The following APIP variants were observed in gnomAD, a reference collection of about 807,000 sequenced individuals.
The protein encoded by APIP is methylthioribulose-1-phosphate dehydratase.
Under a neutral mutation model 32.0 loss-of-function variants are expected in APIP, and 32 were observed. The ratio of observed to expected loss-of-function variants is 1.00; its 90% CI spans 0.76 to 1.34. The LOEUF (loss-of-function observed/expected upper bound fraction) is 1.34, where lower values mean the gene tolerates loss of function less well. Among genes scored for constraint, APIP ranks in the 40% most tolerant of loss-of-function variants. The pLI, the probability that APIP is intolerant of heterozygous loss-of-function variation, is 0.00. For missense variants in APIP, 247 were observed against 298.6 expected, an observed-to-expected ratio of 0.83 and a Z score of 1.27; for synonymous variants, 92 against 94.8, an observed-to-expected ratio of 0.97 and a Z score of 0.17.
At chr11:34,889,292 TA>T (rs1358149992) in intron 3 of APIP, among the ~76,000 whole-genome samples, 1 of 152,114 alleles carries the variant, frequency 6.6e-6, no homozygotes, top group African/African-American at 2.4e-5. Context: ...AGAAAGTCTA[TA>T]TAAAGAAATC....
At chr11:34,892,904 T>C (rs1480062282) in intron 2 of APIP, among the ~76,000 whole-genome samples, 4 of 152,168 alleles carry the variant, frequency 2.6e-5, no homozygotes, top group African/African-American at 7.2e-5. Context: ...TAGTGACTTA[T>C]TAAGTCATTT....
intron 6 of APIP, among the ~76,000 whole-genome samples, chr11:34,883,093 T>A (rs985768451): frequency 2.0e-5 from 3 of 152,202 alleles, no homozygotes; most frequent in Admixed American, 2.0e-4. Context: ...AAACTAGATG[T>A]CACTTTCTGA....
At chr11:34,901,392 G>T (rs1853367493) in intron 1 of APIP, among the ~76,000 whole-genome samples, 2 of 92,844 alleles carry the variant, frequency 2.2e-5, no homozygotes, top group Non-Finnish European at 5.6e-5. Context: ...AAGACTGATG[G>T]GTCCCGGGGG....
At chr11:34,891,129 A>G (rs1424717112) in intron 2 of APIP, among the ~76,000 whole-genome samples, 1 of 152,164 alleles carries the variant, frequency 6.6e-6, no homozygotes, top group Non-Finnish European at 1.5e-5. Context: ...CATATCTTGG[A>G]AAAAAATTTA....
chr11:34,896,311 T>G (rs1853269818), intron 1 of APIP, among the ~76,000 whole-genome samples: 1 of 152,278 alleles, frequency 6.6e-6, no homozygotes, highest in Middle Eastern at 3.4e-3. Context: ...AGCAAAGACT[T>G]GGAACCAACC....
chr11:34,914,494 C>T (rs1853619679), intron 1 of APIP, among the ~76,000 whole-genome samples: 1 of 152,042 alleles, frequency 6.6e-6, no homozygotes, highest in African/African-American at 2.4e-5. Context: ...TGTATTTGTA[C>T]AAAACCAGAC....
chr11:34,902,496 C>T (rs544374750), intron 1 of APIP, among the ~76,000 whole-genome samples: 5 of 152,066 alleles, frequency 3.3e-5, no homozygotes, highest in African/African-American at 1.2e-4. Flanking sequence ...TAGTACTGTC[C>T]AAGGGGACCA....
chr11:34,905,586 G>A (rs563370288), intron 1 of APIP, among the ~76,000 whole-genome samples: 1 of 152,186 alleles, frequency 6.6e-6, no homozygotes, highest in Non-Finnish European at 1.5e-5. Context: ...GAAGGACCAT[G>A]CTTGGGAGAT....
chr11:34,895,842 G>T (rs1853260593), intron 1 of APIP, among the ~76,000 whole-genome samples: 1 of 148,452 alleles, frequency 6.7e-6, no homozygotes, highest in Non-Finnish European at 1.5e-5. Flanking sequence ...CTGCTTTTTT[G>T]TGGTTTAAAT....
chr11:34,900,994 T>TTTA (rs139880298), intron 1 of APIP, among the ~76,000 whole-genome samples: 28,271 of 151,710 alleles, frequency 0.19, 3,802 homozygotes, highest in African/African-American at 0.38. Context: ...CAAGGACAAG[T>TTTA]TTATTACACA....
At chr11:34,906,419 C>T (rs557869691) in intron 1 of APIP, among the ~76,000 whole-genome samples, 1 of 152,214 alleles carries the variant, frequency 6.6e-6, no homozygotes, top group African/African-American at 2.4e-5. Context: ...AGGGCATGCA[C>T]ATGACAATCC....
intron 4 of APIP, 132 bp downstream of exon 4, chr11:34,888,620 G>T: frequency 9.1e-7 from 1 of 1,098,148 alleles, no homozygotes; most frequent in Non-Finnish European, 1.3e-6. Context: ...TGTGAGAACT[G>T]AGTAAGTTCA....
At chr11:34,896,726 GCAACAA>G (rs570312466) in intron 1 of APIP, 10 of 1,079,870 alleles carry the variant, frequency 9.3e-6, no homozygotes, top group South Asian at 1.3e-5. Flanking sequence ...GCATAATAAA[GCAACAA>G]CAACAACAAC....
intron 1 of APIP, among the ~76,000 whole-genome samples, chr11:34,895,715 T>C (rs186293188): frequency 6.6e-6 from 1 of 151,176 alleles, no homozygotes; most frequent in Non-Finnish European, 1.5e-5. Context: ...TAACCCATTT[T>C]ATGAAGATAC....
chr11:34,900,567 T>C (rs1040531649), intron 1 of APIP, among the ~76,000 whole-genome samples: 1 of 152,130 alleles, frequency 6.6e-6, no homozygotes, highest in Non-Finnish European at 1.5e-5. Flanking sequence ...CATAGAGGGA[T>C]GTTACGTTGC....
Position 34,882,745 on chromosome 11 carries a change from A to T in APIP, c.701T>A (p.Leu234His). 1 of 1,603,326 alleles carries T rather than the reference A, an allele frequency of 6.2e-7. No individual in the cohort carries two copies. The highest frequency in any genetic ancestry group is 8.5e-7 in the Non-Finnish European group (1 of 1,171,922). Residue 234 changes from leucine (L) to histidine (H), a missense_variant, in exon 7 of 7, where the codon CTC becomes CAC. Physicochemically the swap from Leu to His is moderately conservative, Grantham distance 99 (BLOSUM62 -3). Coordinates refer to ENST00000395787, the MANE Select transcript of APIP (RefSeq NM_015957.4). Reference protein sequence around the residue: ...MKKVGLDPSQLPVGENGIV With the variant: ...MKKVGLDPSQHPVGENGIV ...GACAATTCCATTTTCTCCAACTGGG[A>T]GCTGTGAAGGATCAAGTCCTACTTT...
chr11:34,910,265 C>A (rs775881846), intron 1 of APIP, among the ~76,000 whole-genome samples: 7 of 152,210 alleles, frequency 4.6e-5, no homozygotes, highest in Non-Finnish European at 8.8e-5. Context: ...AGGTCAACCA[C>A]GACCTTAAGT....
chr11:34,909,982 G>T (rs564249388), intron 1 of APIP, among the ~76,000 whole-genome samples: 1 of 152,306 alleles, frequency 6.6e-6, no homozygotes, highest in South Asian at 2.1e-4. Flanking sequence ...CATCAGCTGA[G>T]TATGGCAACA....
chr11:34,882,810 C>G lies in APIP; in HGVS notation c.636G>C (p.Glu212Asp). ...ETWEKAKTMC[E>D]CYDYLFDIAV... The stretch of plus-strand genomic sequence containing the variant: ...CAATATCAAATAAATAGTCATAACA[C>G]TCACACCTGTAAAAGAAAAAGCAAA... The change falls in exon 7 of 7, where the codon GAG (glutamate) becomes GAC (aspartate). Residue 212 changes from glutamate to aspartate, a missense_variant. Physicochemically the swap from Glu to Asp is conservative, Grantham distance 45 (BLOSUM62 2). Coordinates refer to ENST00000395787, the MANE Select transcript of APIP (RefSeq NM_015957.4). 6.2e-7 allele frequency: 1 copy of G among 1,603,356 alleles called. No individual in the cohort carries two copies. Among genetic ancestry groups the G allele is most frequent in the Non-Finnish European group, 8.5e-7 (1 of 1,173,098 alleles).
Sources: gnomAD v4.1 joint callset for allele counts (sites outside exome capture counted in the v4.1 genomes callset) on GRCh38, gnomAD v4.1.1 for gene constraint, MANE v1.5 for transcripts, NCBI Gene and HGNC (gene_info 2026-07-23, HGNC 2026-07-21) for gene names.